Variants in ALG9 observed in about 807,000 individuals in gnomAD.
ALG9 encodes the protein ALG9 alpha-1,2-mannosyltransferase, also known as alpha-1,2-mannosyltransferase ALG9.
ALG9 carries 55 observed loss-of-function variants against 81.8 expected under a neutral mutation model. That is an observed-to-expected ratio of 0.67 (90% CI 0.54 to 0.84). The LOEUF (loss-of-function observed/expected upper bound fraction) is 0.84, where lower values mean the gene tolerates loss of function less well. ALG9 is among the 40% of genes least tolerant of loss of function. The pLI is 0.00. For missense variants in ALG9, 629 were observed against 745.0 expected, an observed-to-expected ratio of 0.84 and a Z score of 1.81; for synonymous variants, 278 against 274.3, an observed-to-expected ratio of 1.01 and a Z score of -0.13.
chr11:111,771,515 G>A, the ALG9 span: 1 of 152,176 alleles, frequency 6.6e-6, no homozygotes, highest in Non-Finnish European at 1.5e-5. Flanking sequence ...TTACAAATAG[G>A]TTCTCATTCA....
chr11:111,828,472 C>T (rs561872612), intron 13 of ALG9, among the ~76,000 whole-genome samples: 6 of 152,142 alleles, frequency 3.9e-5, no homozygotes, highest in East Asian at 1.9e-4. Flanking sequence ...TAACAAAAAG[C>T]GTTCCTTGGA....
chr11:111,782,461 T>C lies in ALG9; in HGVS notation c.*3936A>G, dbSNP rs1023516067. The C allele has an allele frequency of 6.6e-6, 1 of 152,640 alleles. No individual in the cohort carries two copies. Among genetic ancestry groups the C allele is most frequent in the Non-Finnish European group, 1.5e-5 (1 of 68,040 alleles). 9.5% of individuals were successfully genotyped at this position (152,640 alleles called of 1,614,324 possible). A position where few individuals can be genotyped will look rare whatever the true frequency, so the allele number is the denominator to read the frequency against. ...GCCATACGGAAGTCTGATCTTTCTG[T>C]TGCAAAAAAAATTAAAGCTGGGCAC... On this transcript the variant is annotated 3_prime_UTR_variant, in exon 15 of 15. Transcript: ENST00000616540.
At chr11:111,815,848 T>C (rs1407359624) in intron 13 of ALG9, among the ~76,000 whole-genome samples, 5 of 152,256 alleles carry the variant, frequency 3.3e-5, no homozygotes, top group Non-Finnish European at 5.9e-5. Context: ...ACCAGCTCTA[T>C]GAAATGTGAG....
intron 14 of ALG9, chr11:111,788,371 G>A (rs191734430): frequency 4.6e-5 from 21 of 453,758 alleles, no homozygotes; most frequent in Non-Finnish European, 8.4e-5. Context: ...GAGAAAGGAG[G>A]TTTGGAGAAG....
At chr11:111,858,267 T>A (rs180918934) in intron 5 of ALG9, among the ~76,000 whole-genome samples, 13 of 152,098 alleles carry the variant, frequency 8.5e-5, no homozygotes, top group Middle Eastern at 3.4e-3. Context: ...ACCAACCCAA[T>A]TATACAATTC....
At chr11:111,868,543 T>C in intron 3 of ALG9, 59 bp downstream of exon 3, 1 of 1,574,036 alleles carries the variant, frequency 6.4e-7, no homozygotes, top group South Asian at 1.2e-5. Context: ...TTCTCAAAAC[T>C]ATACCAGAGA....
chr11:111,800,788 G>A (rs1218927586), intron 14 of ALG9, among the ~76,000 whole-genome samples: 1 of 152,078 alleles, frequency 6.6e-6, no homozygotes, highest in African/African-American at 2.4e-5. Flanking sequence ...ATTTATCCCT[G>A]TCTACCTATG....
intron 14 of ALG9, among the ~76,000 whole-genome samples, chr11:111,793,629 C>T (rs1055187518): frequency 1.3e-5 from 2 of 151,840 alleles, no homozygotes; most frequent in East Asian, 1.9e-4. Context: ...GGCATGGTGG[C>T]GGGTGCCTGT....
chr11:111,871,176 G>A (rs1273587574), intron 1 of ALG9, 176 bp downstream of exon 1: 7 of 1,296,520 alleles, frequency 5.4e-6, no homozygotes, highest in Non-Finnish European at 5.8e-6. Context: ...GGTGGGCGAA[G>A]ACTGAATGCT....
chr11:111,795,802 T>C lies in ALG9; in HGVS notation c.1734-9282A>G, dbSNP rs542645331. The stretch of plus-strand genomic sequence containing the variant: ...TTTGATCAGTCATCTTTAGCAAATA[T>C]TCAGAGTGAGGAACTGGGGAAAAAT... On this transcript the variant is annotated intron_variant, in intron 14 of 14. Coordinates refer to ENST00000616540, the MANE Select transcript of ALG9 (RefSeq NM_024740.2). Among the ~76,000 whole-genome samples the C allele has an allele frequency of 5.9e-5, 9 of 152,336 alleles. No individual in the cohort carries two copies. The South Asian group carries it at 1.9e-3, about 32-fold the overall frequency.
intron 8 of ALG9, among the ~76,000 whole-genome samples, chr11:111,847,649 CTT>C (rs1957127850): frequency 6.6e-6 from 1 of 152,322 alleles, no homozygotes; most frequent in East Asian, 1.9e-4. Context: ...AATTTCGCCT[CTT>C]GATCTCTGAC....
At chr11:111,793,446 A>T (rs1947739582) in intron 14 of ALG9, among the ~76,000 whole-genome samples, 1 of 152,206 alleles carries the variant, frequency 6.6e-6, no homozygotes, top group Non-Finnish European at 1.5e-5. Context: ...AAGGAAATCA[A>T]ATTGGTAATT....
At chr11:111,809,559 C>A (rs1276854204) in intron 14 of ALG9, 84 bp downstream of exon 14, 4 of 1,541,296 alleles carry the variant, frequency 2.6e-6, no homozygotes, top group Non-Finnish European at 3.6e-6. Context: ...TAGAGTCAAC[C>A]CAGGACTGGA....
At chr11:111,831,396 G>A (rs781930888) in intron 13 of ALG9, among the ~76,000 whole-genome samples, 4 of 152,112 alleles carry the variant, frequency 2.6e-5, no homozygotes, top group Non-Finnish European at 5.9e-5. Flanking sequence ...TACTCAGGAG[G>A]CTGAGGTGGG....
chr11:111,851,742 C>T (rs1424515622), intron 8 of ALG9, among the ~76,000 whole-genome samples: 1 of 152,018 alleles, frequency 6.6e-6, no homozygotes, highest in Non-Finnish European at 1.5e-5. Flanking sequence ...CTTTTATTGC[C>T]TTGTGAAATA....
chr11:111,822,027 A>G (rs1952482406), intron 13 of ALG9, among the ~76,000 whole-genome samples: 1 of 152,196 alleles, frequency 6.6e-6, no homozygotes, highest in South Asian at 2.1e-4. Context: ...TTCGAGATAG[A>G]TACAGGTTAT....
chr11:111,814,227 A>C (rs1408080459), intron 13 of ALG9, among the ~76,000 whole-genome samples: 7 of 152,238 alleles, frequency 4.6e-5, no homozygotes, highest in Admixed American at 1.3e-4. Context: ...TATTATAAAC[A>C]AAATGTTGAG....
intron 14 of ALG9, among the ~76,000 whole-genome samples, chr11:111,801,456 C>G (rs1215806604): frequency 1.3e-5 from 2 of 152,240 alleles, no homozygotes; most frequent in Non-Finnish European, 2.9e-5. Context: ...GAACCCTAGA[C>G]AGCCTGCTGA....
the ALG9 span, among the ~76,000 whole-genome samples, chr11:111,772,335 A>G: frequency 1.3e-5 from 2 of 152,254 alleles, no homozygotes; most frequent in Non-Finnish European, 2.9e-5. Flanking sequence ...GTGAGGTGGG[A>G]GAATCGCTTG....
Sources: allele counts gnomAD v4.1 joint callset (sites outside exome capture counted in the v4.1 genomes callset), GRCh38; gene constraint gnomAD v4.1.1; transcripts MANE v1.5; gene names NCBI Gene and HGNC (gene_info 2026-07-23, HGNC 2026-07-21).